ANKS1B: variants seen among roughly 807,000 people sequenced by gnomAD.
The protein encoded by ANKS1B is ankyrin repeat and sterile alpha motif domain-containing protein 1B.
Under a neutral mutation model 148.3 loss-of-function variants are expected in ANKS1B, and 36 were observed. The ratio of observed to expected loss-of-function variants is 0.24; its 90% CI spans 0.19 to 0.32. The LOEUF is 0.32. Among genes scored for constraint, ANKS1B ranks in the 10% least tolerant of loss-of-function variants. The pLI is 1.00. For synonymous variants in ANKS1B, 542 were observed against 560.8 expected (o/e 0.97, Z 0.47); for missense variants, 1,157 against 1,542.6 (o/e 0.75, Z 4.19).
At chr12:99,688,603 G>C (rs1204849326) in intron 8 of ANKS1B, among the ~76,000 whole-genome samples, 1 of 152,134 alleles carries the variant, frequency 6.6e-6, no homozygotes, top group East Asian at 1.9e-4. Context: ...TTAAGAGGCT[G>C]AAGTGGGAAG....
At chr12:99,548,962 C>T (rs2097194739) in intron 9 of ANKS1B, among the ~76,000 whole-genome samples, 1 of 152,000 alleles carries the variant, frequency 6.6e-6, no homozygotes, top group African/African-American at 2.4e-5. Context: ...ATGATTAATG[C>T]AATAATGGAG....
chr12:99,554,975 T>A (rs2097261125), intron 9 of ANKS1B, among the ~76,000 whole-genome samples: 1 of 152,116 alleles, frequency 6.6e-6, no homozygotes, highest in African/African-American at 2.4e-5. Flanking sequence ...CTGTGTTAGT[T>A]TGCTTAGGAG....
At chr12:99,357,448 GA>G (rs891249380) in intron 12 of ANKS1B, among the ~76,000 whole-genome samples, 1 of 152,052 alleles carries the variant, frequency 6.6e-6, no homozygotes, top group Admixed American at 6.6e-5. Context: ...GTGATTTAGA[GA>G]AAAAACACTT....
At chr12:98,878,374 A>AAAACAAACAAACAAACAAAC (rs3051082) in intron 17 of ANKS1B, among the ~76,000 whole-genome samples, 63 of 150,420 alleles carry the variant, frequency 4.2e-4, no homozygotes, top group African/African-American at 1.2e-3. Flanking sequence ...ACCCTGTCTC[A>AAAACAAACAAACAAACAAAC]AAACAAACAA....
chr12:99,596,081 A>G (rs1430042116), intron 9 of ANKS1B, among the ~76,000 whole-genome samples: 1 of 151,944 alleles, frequency 6.6e-6, no homozygotes, highest in Non-Finnish European at 1.5e-5. Flanking sequence ...TCTGAATAAC[A>G]ATGTATATTT....
intron 15 of ANKS1B, among the ~76,000 whole-genome samples, chr12:99,136,818 A>T (rs972377943): frequency 6.6e-6 from 1 of 152,126 alleles, no homozygotes; most frequent in Non-Finnish European, 1.5e-5. Context: ...TGAAAATTAT[A>T]TATGTATTAT....
At chr12:99,033,717 G>T (rs1209862071) in intron 17 of ANKS1B, among the ~76,000 whole-genome samples, 1 of 152,012 alleles carries the variant, frequency 6.6e-6, no homozygotes. Context: ...CTGCACTCAG[G>T]TGCGTGTGTG....
At chr12:98,788,217 C>CTT (rs2098815089) in intron 22 of ANKS1B, among the ~76,000 whole-genome samples, 1 of 141,216 alleles carries the variant, frequency 7.1e-6, no homozygotes, top group South Asian at 2.2e-4. Flanking sequence ...CCAGCCGGAC[C>CTT]AACATGGTGA....
intron 17 of ANKS1B, among the ~76,000 whole-genome samples, chr12:98,896,291 A>G (rs2099764506): frequency 6.6e-6 from 1 of 152,272 alleles, no homozygotes; most frequent in African/African-American, 2.4e-5. Flanking sequence ...CAACTGCAAC[A>G]TTCAGGCTCT....
At chr12:98,959,017 C>T (rs1330747554) in intron 17 of ANKS1B, among the ~76,000 whole-genome samples, 3 of 152,056 alleles carry the variant, frequency 2.0e-5, no homozygotes, top group Non-Finnish European at 4.4e-5. Context: ...ATAAAAATTT[C>T]ACATTTAATA....
intron 25 of ANKS1B, among the ~76,000 whole-genome samples, chr12:98,770,833 A>G (rs1274728995): frequency 6.6e-6 from 1 of 152,196 alleles, no homozygotes; most frequent in Non-Finnish European, 1.5e-5. Context: ...TCTTCTACCC[A>G]TGACATTGAA....
At chr12:99,618,765 G>A (rs2098006738) in intron 9 of ANKS1B, among the ~76,000 whole-genome samples, 1 of 151,992 alleles carries the variant, frequency 6.6e-6, no homozygotes, top group Non-Finnish European at 1.5e-5. Context: ...CCAGACCCAG[G>A]ACTGAGAGCA....
intron 10 of ANKS1B, among the ~76,000 whole-genome samples, chr12:99,495,342 A>AGTGTGT (rs56107230): frequency 0.13 from 18,522 of 145,270 alleles, 1,185 homozygotes; most frequent in Middle Eastern, 0.14. Context: ...GGGGAGAAAA[A>AGTGTGT]GTGTGTGTGT....
chr12:99,666,490 G>A (rs1241958435), intron 8 of ANKS1B, among the ~76,000 whole-genome samples: 2 of 151,960 alleles, frequency 1.3e-5, no homozygotes, highest in Non-Finnish European at 2.9e-5. Context: ...AGTCTTCAGT[G>A]TACAGGTCTT....
At chr12:99,810,713 A>G (rs890537143) in intron 3 of ANKS1B, among the ~76,000 whole-genome samples, 1 of 152,006 alleles carries the variant, frequency 6.6e-6, no homozygotes, top group African/African-American at 2.4e-5. Flanking sequence ...TAAAACATAT[A>G]GCAACTTTTC....
rs572162330 is a variant in ANKS1B, at chr12:98,766,823, CT to C, written c.3579+6218del. ...ACTCAAGAATTTAAATTTTTCTTTCCTTTTTTTTTGAGACAGAGTCTTGTTC... is the reference window on the plus strand; with the variant it reads ...ACTCAAGAATTTAAATTTTTCTTTCCTTTTTTTTGAGACAGAGTCTTGTTC... On this transcript the variant is annotated intron_variant, in intron 25 of 26. Transcript: ENST00000683438. 2.0e-5 allele frequency among the ~76,000 whole-genome samples: 3 copies of C among 150,704 alleles called. No homozygotes were observed. The East Asian group carries it at 5.8e-4, about 29-fold the overall frequency.
chr12:99,923,105 A>G (rs1460693912), intron 1 of ANKS1B, among the ~76,000 whole-genome samples: 1 of 152,222 alleles, frequency 6.6e-6, no homozygotes, highest in African/African-American at 2.4e-5. Flanking sequence ...ACTGCATAGC[A>G]TATTTGGGGA....
At chr12:99,583,729 A>G (rs2097594128) in intron 9 of ANKS1B, among the ~76,000 whole-genome samples, 1 of 152,266 alleles carries the variant, frequency 6.6e-6, no homozygotes. Context: ...GCACAGATCA[A>G]CAAATATTTA....
At chr12:99,156,170 A>C (rs981901518) in intron 14 of ANKS1B, among the ~76,000 whole-genome samples, 3 of 151,520 alleles carry the variant, frequency 2.0e-5, no homozygotes, top group Non-Finnish European at 2.9e-5. Context: ...AACATCTTCT[A>C]CTCCTCTTTC....
Sources: allele counts gnomAD v4.1 joint callset (sites outside exome capture counted in the v4.1 genomes callset), GRCh38; gene constraint gnomAD v4.1.1; transcripts MANE v1.5; gene names NCBI Gene and HGNC (gene_info 2026-07-23, HGNC 2026-07-21).